Variants in TNRC6B observed in about 807,000 individuals in gnomAD.
TNRC6B encodes trinucleotide repeat containing adaptor 6B.
Under a neutral mutation model 203.6 loss-of-function variants are expected in TNRC6B, and 52 were observed. The ratio of observed to expected loss-of-function variants is 0.26; its 90% CI spans 0.20 to 0.32. The LOEUF is 0.32. Among genes scored for constraint, TNRC6B ranks in the 10% least tolerant of loss-of-function variants. The pLI is 1.00. For synonymous variants in TNRC6B, 838 were observed against 845.7 expected (o/e 0.99, Z 0.16); for missense variants, 1,923 against 2,286.2 (o/e 0.84, Z 3.24).
intron 3 of TNRC6B, among the ~76,000 whole-genome samples, chr22:40,134,009 C>A (rs2068576777): frequency 6.9e-6 from 1 of 143,978 alleles, no homozygotes; most frequent in South Asian, 2.2e-4. Context: ...AGGTAATATG[C>A]GATGGGAGAT....
intron 1 of TNRC6B, among the ~76,000 whole-genome samples, chr22:40,183,744 G>T (rs2069166702): frequency 6.6e-6 from 1 of 151,938 alleles, no homozygotes. Context: ...GCCCGGGCTG[G>T]AGTGCAGTGG....
chr22:40,278,236 T>C (rs2070675420), intron 9 of TNRC6B, among the ~76,000 whole-genome samples, 192 bp downstream of exon 9: 1 of 152,072 alleles, frequency 6.6e-6, no homozygotes, highest in South Asian at 2.1e-4. Context: ...CAGCAAAGAA[T>C]GTAAATAAGT....
intron 1 of TNRC6B, among the ~76,000 whole-genome samples, chr22:40,060,962 C>G (rs2067845041): frequency 6.6e-6 from 1 of 152,122 alleles, no homozygotes; most frequent in Non-Finnish European, 1.5e-5. Flanking sequence ...GTAAACCACC[C>G]TTATCAATTA....
At chr22:40,242,518 C>G (rs1177061859) in intron 1 of TNRC6B, among the ~76,000 whole-genome samples, 1 of 151,918 alleles carries the variant, frequency 6.6e-6, no homozygotes, top group Non-Finnish European at 1.5e-5. Flanking sequence ...GCAACCTCCG[C>G]CTCCCAGGTT....
At chr22:40,222,176 AC>A (rs1469277094) in intron 1 of TNRC6B, among the ~76,000 whole-genome samples, 1 of 152,106 alleles carries the variant, frequency 6.6e-6, no homozygotes, top group Non-Finnish European at 1.5e-5. Context: ...CCTCTTACTT[AC>A]CCATTTGCGG....
chr22:40,313,389 A>T (rs527904382), intron 19 of TNRC6B, among the ~76,000 whole-genome samples: 1 of 152,234 alleles, frequency 6.6e-6, no homozygotes. Flanking sequence ...TTCTCTAAAA[A>T]TCCTCCCACT....
chr22:40,145,087 A>T (rs556963010), intron 3 of TNRC6B, among the ~76,000 whole-genome samples: 344 of 138,286 alleles, frequency 2.5e-3, no homozygotes, highest in African/African-American at 6.9e-3. Context: ...AAAAAAAAAA[A>T]TTTTTTTAAT....
At chr22:40,103,457 G>A (rs2068257299) in intron 1 of TNRC6B, among the ~76,000 whole-genome samples, 1 of 152,018 alleles carries the variant, frequency 6.6e-6, no homozygotes, top group Admixed American at 6.6e-5. Context: ...TGCTTTCATT[G>A]AGCACAATAT....
chr22:40,300,118 A>G (rs1237473826), intron 12 of TNRC6B, among the ~76,000 whole-genome samples: 14 of 152,350 alleles, frequency 9.2e-5, no homozygotes, highest in East Asian at 5.8e-4. Context: ...GTTTTGTTTT[A>G]TGGCACATTT....
At chr22:40,318,026 C>T (rs2071282611) in intron 21 of TNRC6B, among the ~76,000 whole-genome samples, 1 of 152,186 alleles carries the variant, frequency 6.6e-6, no homozygotes, top group Non-Finnish European at 1.5e-5. Context: ...CAAAACTAAG[C>T]AGATTTTTTC....
chr22:40,294,088 AAAAAAAAT>A (rs1183757935), intron 12 of TNRC6B, among the ~76,000 whole-genome samples: 1 of 150,882 alleles, frequency 6.6e-6, no homozygotes, highest in Non-Finnish European at 1.5e-5. Context: ...AAAAAAAAAA[AAAAAAAAT>A]ACAAAAATTA....
intron 3 of TNRC6B, among the ~76,000 whole-genome samples, chr22:40,149,315 C>T (rs543003471): frequency 6.6e-6 from 1 of 152,264 alleles, no homozygotes; most frequent in East Asian, 1.9e-4. Flanking sequence ...AATGCAGCTG[C>T]ATCTATAGTG....
intron 1 of TNRC6B, among the ~76,000 whole-genome samples, chr22:40,086,652 T>G (rs781655615): frequency 1.3e-5 from 2 of 152,204 alleles, no homozygotes; most frequent in South Asian, 4.1e-4. Flanking sequence ...TATCAGAATA[T>G]CTGTAGAGTT....
chr22:40,305,649 G>GCCTCTCA (rs2071079417), intron 15 of TNRC6B, among the ~76,000 whole-genome samples: 1 of 152,048 alleles, frequency 6.6e-6, no homozygotes. Context: ...TTTGGGGTTT[G>GCCTCTCA]TAGATTGAAC....
At chr22:40,065,411 G>A (rs1026463043) in intron 1 of TNRC6B, among the ~76,000 whole-genome samples, 2 of 152,078 alleles carry the variant, frequency 1.3e-5, no homozygotes, top group Admixed American at 1.3e-4. Context: ...CTCCCAAATC[G>A]TTACAACTAC....
At chr22:40,151,384 C>T (rs952758388) in intron 3 of TNRC6B, among the ~76,000 whole-genome samples, 2 of 151,546 alleles carry the variant, frequency 1.3e-5, no homozygotes, top group African/African-American at 4.9e-5. Context: ...GCCAACATGG[C>T]GAAACCCCAT....
intron 1 of TNRC6B, among the ~76,000 whole-genome samples, chr22:40,203,642 GTTTTC>G (rs2069441528): frequency 6.6e-6 from 1 of 150,664 alleles, no homozygotes; most frequent in African/African-American, 2.4e-5. Flanking sequence ...GAGACCAAGT[GTTTTC>G]TTTCCTTATA....
chr22:40,241,201 G>A (rs2070023963), intron 1 of TNRC6B, among the ~76,000 whole-genome samples: 1 of 152,096 alleles, frequency 6.6e-6, no homozygotes, highest in South Asian at 2.1e-4. Flanking sequence ...TTTTTCCCCT[G>A]AGTCATTTGA....
chr22:40,134,580 CG>C (rs2068582356), intron 3 of TNRC6B, among the ~76,000 whole-genome samples: 1 of 151,974 alleles, frequency 6.6e-6, no homozygotes, highest in Admixed American at 6.6e-5. Flanking sequence ...TGGGGGGCTA[CG>C]GGAGGGATAG....
Sources: gnomAD v4.1 joint callset for allele counts (sites outside exome capture counted in the v4.1 genomes callset) on GRCh38, gnomAD v4.1.1 for gene constraint, MANE v1.5 for transcripts, NCBI Gene and HGNC (gene_info 2026-07-23, HGNC 2026-07-21) for gene names.